RANBP2: variants seen among roughly 807,000 people sequenced by gnomAD.
The protein encoded by RANBP2 is E3 SUMO-protein ligase RanBP2.
Under a neutral mutation model 303.6 loss-of-function variants are expected in RANBP2, and 57 were observed. The ratio of observed to expected loss-of-function variants is 0.19; its 90% CI spans 0.15 to 0.23. The LOEUF (loss-of-function observed/expected upper bound fraction) is 0.23, where lower values mean the gene tolerates loss of function less well. Among genes scored for constraint, RANBP2 ranks in the 10% least tolerant of loss-of-function variants. The probability of loss-of-function intolerance (pLI) is 1.00; values close to 1 mark genes in which losing one functional copy is unlikely to be tolerated. For synonymous variants in RANBP2, 1,167 were observed against 1,301.5 expected (o/e 0.90, Z 2.23); for missense variants, 3,138 against 3,780.8 (o/e 0.83, Z 4.46).
the RANBP2 span, among the ~76,000 whole-genome samples, chr2:109,730,776 CTTTTTTTTTT>C: frequency 3.5e-4 from 28 of 79,408 alleles, 1 homozygote; most frequent in South Asian, 2.8e-3. Context: ...CTCTCTCTCT[CTTTTTTTTTT>C]TTTTTTTTTT....
intron 20 of RANBP2, among the ~76,000 whole-genome samples, chr2:108,770,320 T>C (rs1401353538): frequency 2.0e-5 from 3 of 152,250 alleles, no homozygotes; most frequent in African/African-American, 7.2e-5. Flanking sequence ...TACGGTGTAC[T>C]GTTATTTCTC....
At chr2:109,347,729 C>G in the RANBP2 span, 1 of 1,613,910 alleles carries the variant, frequency 6.2e-7, no homozygotes, top group Non-Finnish European at 8.5e-7. Flanking sequence ...GGGAAGGAAC[C>G]TGGTGACCTC....
chr2:109,199,358 T>C, the RANBP2 span, among the ~76,000 whole-genome samples: 1 of 2,528 alleles, frequency 4.0e-4, no homozygotes, highest in Non-Finnish European at 1.7e-3. Context: ...TGGAATGGAA[T>C]GGAATGGAAT....
chr2:109,118,298 G>A, the RANBP2 span, among the ~76,000 whole-genome samples: 12 of 152,108 alleles, frequency 7.9e-5, no homozygotes, highest in Middle Eastern at 3.4e-3. Context: ...CCATATAAAT[G>A]CTGCTCCTGT....
the RANBP2 span, among the ~76,000 whole-genome samples, chr2:109,456,658 C>G: frequency 6.6e-6 from 1 of 152,200 alleles, no homozygotes; most frequent in Non-Finnish European, 1.5e-5. Context: ...TCCGTGGCCT[C>G]TGCATTGGGA....
chr2:109,390,721 A>C, the RANBP2 span, among the ~76,000 whole-genome samples: 2 of 152,194 alleles, frequency 1.3e-5, no homozygotes, highest in Non-Finnish European at 2.9e-5. Context: ...GCCGCAGGGC[A>C]GCTGGAGGTT....
At chr2:109,217,546 T>A in the RANBP2 span, among the ~76,000 whole-genome samples, 1 of 152,242 alleles carries the variant, frequency 6.6e-6, no homozygotes, top group African/African-American at 2.4e-5. Context: ...CTTTAGAATG[T>A]TGAGCTTCCG....
At chr2:108,988,018 C>G in the RANBP2 span, among the ~76,000 whole-genome samples, 3 of 152,232 alleles carry the variant, frequency 2.0e-5, no homozygotes, top group Admixed American at 1.3e-4. Context: ...AAAAATGCCA[C>G]TTGAGAGCCA....
the RANBP2 span, among the ~76,000 whole-genome samples, chr2:109,467,288 G>A: frequency 6.6e-6 from 1 of 152,236 alleles, no homozygotes; most frequent in Non-Finnish European, 1.5e-5. Flanking sequence ...ACCCTGCAAA[G>A]GGGCACCACC....
chr2:109,299,612 G>A, the RANBP2 span, among the ~76,000 whole-genome samples: 1 of 152,154 alleles, frequency 6.6e-6, no homozygotes, highest in Non-Finnish European at 1.5e-5. Context: ...TTCCTTGCAT[G>A]AGCTCACAGG....
chr2:109,580,722 A>C, the RANBP2 span, among the ~76,000 whole-genome samples: 1 of 152,232 alleles, frequency 6.6e-6, no homozygotes, highest in Non-Finnish European at 1.5e-5. Flanking sequence ...TGAACAAAAT[A>C]AATGAAAAAA....
At chr2:109,169,262 G>A in the RANBP2 span, among the ~76,000 whole-genome samples, 1 of 152,196 alleles carries the variant, frequency 6.6e-6, no homozygotes, top group African/African-American at 2.4e-5. Context: ...TTTGGAAAGT[G>A]TTTGTACTTG....
In RANBP2 at chr2:108,745,282, C is replaced by T. The variant is rs1197785362; in HGVS notation, c.976-1429C>T. On this transcript the variant is annotated intron_variant, in intron 7 of 28. Transcript: ENST00000283195. The stretch of plus-strand genomic sequence containing the variant: ...AGGTTGTATCAAATTACATTTCCAC[C>T]ACCAATTAAGAAAGTGGTGATAGAA... 2.1e-5 allele frequency among the ~76,000 whole-genome samples: 3 copies of T among 142,976 alleles called. No homozygotes were observed. The Admixed American group carries it at 2.2e-4, about 10-fold the overall frequency. 93.8% of individuals were successfully genotyped at this position (142,976 alleles called of 152,430 possible).
intron 19 of RANBP2, 140 bp from the exon 20 acceptor site, chr2:108,763,097 G>T: frequency 9.7e-7 from 1 of 1,029,140 alleles, no homozygotes; most frequent in African/African-American, 1.6e-5. Context: ...GCATAAACGG[G>T]TTAATGATGT....
the RANBP2 span, chr2:108,907,751 G>T: frequency 7.5e-7 from 1 of 1,328,552 alleles, no homozygotes; most frequent in Non-Finnish European, 1.1e-6. Flanking sequence ...GGACTTCTGG[G>T]AGAAACACCC....
chr2:109,468,874 AAAG>A, the RANBP2 span, among the ~76,000 whole-genome samples: 1 of 150,888 alleles, frequency 6.6e-6, no homozygotes, highest in African/African-American at 2.4e-5. Context: ...AAAAAAAAAA[AAAG>A]TTAAATTCAG....
At chr2:109,369,465 A>G in the RANBP2 span, among the ~76,000 whole-genome samples, 1 of 152,262 alleles carries the variant, frequency 6.6e-6, no homozygotes, top group Non-Finnish European at 1.5e-5. Flanking sequence ...GTGAAGTGAT[A>G]TGATGCTCTT....
the RANBP2 span, among the ~76,000 whole-genome samples, chr2:109,697,913 G>A: frequency 6.8e-6 from 1 of 147,014 alleles, no homozygotes; most frequent in Non-Finnish European, 1.5e-5. Flanking sequence ...GGGCTGGAGT[G>A]CAGTGGCGCA....
the RANBP2 span, among the ~76,000 whole-genome samples, chr2:109,511,952 G>A: frequency 1.3e-5 from 2 of 152,294 alleles, no homozygotes; most frequent in African/African-American, 4.8e-5. Flanking sequence ...CACACGTACT[G>A]CAGAATTGCC....
Sources: gnomAD v4.1 joint callset for allele counts (sites outside exome capture counted in the v4.1 genomes callset) on GRCh38, gnomAD v4.1.1 for gene constraint, MANE v1.5 for transcripts, NCBI Gene and HGNC (gene_info 2026-07-23, HGNC 2026-07-21) for gene names.